KCNIP1: variants seen among roughly 807,000 people sequenced by gnomAD.
The protein encoded by KCNIP1 is potassium voltage-gated channel interacting protein 1.
Under a neutral mutation model 33.0 loss-of-function variants are expected in KCNIP1, and 18 were observed. That is an observed-to-expected ratio of 0.55 (90% CI 0.38 to 0.81). The LOEUF (loss-of-function observed/expected upper bound fraction) is 0.81. Among genes scored for constraint, KCNIP1 ranks in the 30% least tolerant of loss-of-function variants. The probability of loss-of-function intolerance (pLI) is 0.00; values close to 1 mark genes in which losing one functional copy is unlikely to be tolerated. For missense variants in KCNIP1, 238 were observed against 271.6 expected, an observed-to-expected ratio of 0.88 and a Z score of 0.87; for synonymous variants, 93 against 98.3, an observed-to-expected ratio of 0.95 and a Z score of 0.32.
chr5:170,537,204 G>T (rs1294272554), intron 1 of KCNIP1, among the ~76,000 whole-genome samples: 1 of 152,196 alleles, frequency 6.6e-6, no homozygotes, highest in Non-Finnish European at 1.5e-5. Context: ...AGTAGAAGCA[G>T]CTGGCAGTGG....
chr5:170,710,506 C>G (rs570923418), intron 1 of KCNIP1, among the ~76,000 whole-genome samples: 1 of 151,974 alleles, frequency 6.6e-6, no homozygotes, highest in East Asian at 1.9e-4. Flanking sequence ...TCTTAATATG[C>G]CTGACAGATT....
chr5:170,595,179 G>A (rs527862611), intron 1 of KCNIP1, among the ~76,000 whole-genome samples: 3 of 152,338 alleles, frequency 2.0e-5, no homozygotes, highest in African/African-American at 7.2e-5. Context: ...GTCTGGGGTT[G>A]GGGACTGGGG....
At chr5:170,482,934 G>T (rs1248173054) in intron 1 of KCNIP1, 4 of 356,552 alleles carry the variant, frequency 1.1e-5, no homozygotes, top group African/African-American at 2.2e-5. Context: ...GGTTTTATCT[G>T]GTCTTTCAGT....
chr5:170,704,181 T>C (rs1293774855), intron 1 of KCNIP1, among the ~76,000 whole-genome samples: 1 of 137,110 alleles, frequency 7.3e-6, no homozygotes, highest in Non-Finnish European at 1.5e-5. Context: ...TCTGGGGCTA[T>C]TGCAGAGGAC....
At position 170,633,334 on chromosome 5, in the gene KCNIP1, C is replaced by A. The variant is rs1204617785; in HGVS notation, c.62-85424C>A. Among the ~76,000 whole-genome samples the A allele has an allele frequency of 3.3e-5, 5 of 151,988 alleles. No individual in the cohort carries two copies. The South Asian group carries it at 1.0e-3, about 32-fold the overall frequency. ...CAACACAGAAGATGAGGAAAATGAG[C>A]AGGGCAGCTAGTCATAGGAGCAAAT... On this transcript the variant is annotated intron_variant, in intron 1 of 7. Transcript: ENST00000328939.
intron 1 of KCNIP1, among the ~76,000 whole-genome samples, chr5:170,400,340 A>G (rs1754869190): frequency 6.6e-6 from 1 of 152,196 alleles, no homozygotes; most frequent in South Asian, 2.1e-4. Flanking sequence ...CCTCTTCACA[A>G]GGTGGCAGGA....
In KCNIP1 at chr5:170,371,464, G is replaced by A. The variant is rs532648016; in HGVS notation, c.88+17500G>A. On this transcript the variant is annotated intron_variant, in intron 1 of 7. Transcript: ENST00000377360. ...CTTGGCATTTTCCACTTTTGATATG[G>A]GGTAAAGACAAGAACAGGATTCCCA... Among the ~76,000 whole-genome samples, 11 of 152,244 alleles carry A rather than the reference G, an allele frequency of 7.2e-5. 1 individual carries two copies. The highest frequency in any genetic ancestry group is 3.4e-3 in the Middle Eastern group (1 of 294).
At chr5:170,611,635 C>T (rs773497406) in intron 1 of KCNIP1, among the ~76,000 whole-genome samples, 2 of 152,224 alleles carry the variant, frequency 1.3e-5, no homozygotes, top group Non-Finnish European at 2.9e-5. Flanking sequence ...GCCAGGAACC[C>T]GGCACACCCA....
intron 1 of KCNIP1, among the ~76,000 whole-genome samples, chr5:170,465,730 G>C (rs2113119598): frequency 6.6e-6 from 1 of 152,322 alleles, no homozygotes; most frequent in East Asian, 1.9e-4. Flanking sequence ...GGAGGGCAGA[G>C]AAGGCTTCTT....
At chr5:170,381,931 A>G (rs1448964678) in intron 1 of KCNIP1, among the ~76,000 whole-genome samples, 2 of 152,160 alleles carry the variant, frequency 1.3e-5, no homozygotes, top group African/African-American at 2.4e-5. Flanking sequence ...GGGCCGAGTC[A>G]TACTAGCGAT....
intron 1 of KCNIP1, among the ~76,000 whole-genome samples, chr5:170,652,099 A>C (rs1009828462): frequency 1.3e-5 from 2 of 152,144 alleles, no homozygotes; most frequent in African/African-American, 4.8e-5. Flanking sequence ...GGGGAGACAG[A>C]GAGAGGAAGA....
chr5:170,426,344 A>C (rs1755615404), intron 1 of KCNIP1, among the ~76,000 whole-genome samples: 1 of 152,072 alleles, frequency 6.6e-6, no homozygotes, highest in Non-Finnish European at 1.5e-5. Flanking sequence ...GTTCCAGACA[A>C]ACCCTGTTAA....
intron 1 of KCNIP1, among the ~76,000 whole-genome samples, chr5:170,454,178 G>T (rs745726764): frequency 6.6e-6 from 1 of 152,178 alleles, no homozygotes; most frequent in Non-Finnish European, 1.5e-5. Flanking sequence ...TGCAAAAAGA[G>T]GAAAACGTCC....
At chr5:170,713,023 A>G (rs2113858728) in intron 1 of KCNIP1, 1 of 743,328 alleles carries the variant, frequency 1.3e-6, no homozygotes, top group East Asian at 2.5e-5. Flanking sequence ...CCCCACATAT[A>G]TAGAAACAGT....
At chr5:170,415,248 G>A (rs1418602343) in intron 1 of KCNIP1, among the ~76,000 whole-genome samples, 2 of 152,152 alleles carry the variant, frequency 1.3e-5, no homozygotes, top group Admixed American at 1.3e-4. Flanking sequence ...CTGCTTTTGT[G>A]TTTGTGTTTG....
chr5:170,667,130 T>A (rs1227926606), intron 1 of KCNIP1, among the ~76,000 whole-genome samples: 1 of 152,076 alleles, frequency 6.6e-6, no homozygotes, highest in African/African-American at 2.4e-5. Flanking sequence ...TGACCAATGT[T>A]GGAGAAACCC....
intron 1 of KCNIP1, among the ~76,000 whole-genome samples, chr5:170,676,112 G>T (rs927341447): frequency 2.1e-5 from 2 of 94,638 alleles, no homozygotes; most frequent in South Asian, 4.5e-4. Flanking sequence ...GAGGAAGAAG[G>T]GAGGGAGGGA....
intron 1 of KCNIP1, among the ~76,000 whole-genome samples, chr5:170,441,179 G>C (rs1375217436): frequency 6.6e-6 from 1 of 152,234 alleles, no homozygotes; most frequent in Non-Finnish European, 1.5e-5. Flanking sequence ...CAGCCCAGCA[G>C]GGCCTCTGCC....
chr5:170,416,040 C>T (rs942130611), intron 1 of KCNIP1, among the ~76,000 whole-genome samples: 1 of 152,056 alleles, frequency 6.6e-6, no homozygotes, highest in African/African-American at 2.4e-5. Flanking sequence ...GTCAGGAGGC[C>T]ACAGTGAGGG....
Sources: allele counts gnomAD v4.1 joint callset (sites outside exome capture counted in the v4.1 genomes callset), GRCh38; gene constraint gnomAD v4.1.1; transcripts MANE v1.5; gene names NCBI Gene and HGNC (gene_info 2026-07-23, HGNC 2026-07-21).